MAP3K11: variants seen among roughly 807,000 people sequenced by gnomAD.
MAP3K11 encodes mitogen-activated protein kinase kinase kinase 11, also known as SH3 domain-containing proline-rich kinase.
MAP3K11 carries 46 observed loss-of-function variants against 84.9 expected under a neutral mutation model. The ratio of observed to expected loss-of-function variants is 0.54; its 90% CI spans 0.43 to 0.69. The LOEUF (loss-of-function observed/expected upper bound fraction) is 0.69. MAP3K11 is among the 30% of genes least tolerant of loss of function. The probability of loss-of-function intolerance (pLI) is 0.00; values close to 1 mark genes in which losing one functional copy is unlikely to be tolerated. For missense variants in MAP3K11, 1,053 were observed against 1,198.3 expected (o/e 0.88, Z 1.79); for synonymous variants, 527 against 514.7 (o/e 1.02, Z -0.32).
intron 8 of MAP3K11, chr11:65,605,541 C>A (rs377509272): frequency 2.1e-6 from 1 of 477,996 alleles, no homozygotes; most frequent in Admixed American, 4.3e-5. Flanking sequence ...CTCTGGGCCC[C>A]GAGCCGAGGC....
Position 65,607,646 on chromosome 11 carries a change from C to T in MAP3K11, c.1240G>A (p.Glu414Lys). Residue 414 changes from glutamate to lysine, a missense_variant, in exon 4 of 10, where the codon GAA becomes AAA. Glu to Lys is a moderately conservative substitution (Grantham distance 56). This residue lies in a region of MAP3K11 where 310 missense variants were observed against 464.5 expected (regional missense o/e 0.67). Transcript: ENST00000309100. ...QGLFDELRAK[E>K]KELLSREEEL... is the part of the protein sequence containing the mutation. ...GGTCCCTTGATTCCTCGCACCTTTTCCTTGGCTCGCAGCTCGTCGAAGAGA... is the reference window on the plus strand; with the variant it reads ...GGTCCCTTGATTCCTCGCACCTTTTTCTTGGCTCGCAGCTCGTCGAAGAGA... The T allele has an allele frequency of 1.2e-6, 2 of 1,606,158 alleles. No individual in the cohort carries two copies. Among genetic ancestry groups the T allele is most frequent in the Non-Finnish European group, 8.5e-7 (1 of 1,174,578 alleles).
At chr11:65,602,384 G>C (rs572875290) in intron 8 of MAP3K11, among the ~76,000 whole-genome samples, 3 of 152,110 alleles carry the variant, frequency 2.0e-5, no homozygotes, top group Admixed American at 6.6e-5. Context: ...GGTGGTTCAC[G>C]CTTGTAATCC....
Position 65,598,270 on chromosome 11 carries a change from CG to C in MAP3K11, c.*20del. ...GACTCCTCCTAAGGCAGCTGGAGCT[CG>C]GGGGAGTGGCCTGGCCCACTCAAGG... is the stretch of plus-strand genomic sequence containing the variant. On this transcript the variant is annotated 3_prime_UTR_variant, in exon 10 of 10. Transcript: ENST00000309100. 7.0e-7 allele frequency: 1 copy of C among 1,429,612 alleles called. No individual in the cohort carries two copies. The highest frequency in any genetic ancestry group is 9.2e-7 in the Non-Finnish European group (1 of 1,089,466). 88.6% of individuals were successfully genotyped at this position (1,429,612 alleles called of 1,614,324 possible).
intron 5 of MAP3K11, 48 bp from the exon 6 acceptor site, chr11:65,606,852 G>A (rs1026481691): frequency 7.7e-7 from 1 of 1,291,124 alleles, no homozygotes; most frequent in East Asian, 2.5e-5. Flanking sequence ...TGATGAAGTA[G>A]AGCCAGGACC....
chr11:65,607,136 A>G, intron 5 of MAP3K11, 134 bp downstream of exon 5: 1 of 1,213,284 alleles, frequency 8.2e-7, no homozygotes. Context: ...TCCTGGCTCC[A>G]CCCCTCCCAG....
In MAP3K11 at chr11:65,608,415, ATGT is replaced by A. The variant is rs1262151682; in HGVS notation, c.770_772del (p.Asp257_Met258delinsVal). ...GGTGATCTTCAGGGTCTTGTGCTCC[ATGT>A]CGTCACTCTCAATGGGCTGCAGCAG... On this transcript the variant is annotated inframe_deletion, in exon 2 of 10. Coordinates refer to ENST00000309100, the MANE Select transcript of MAP3K11 (RefSeq NM_002419.4). 1.2e-5 allele frequency: 19 copies of A among 1,614,164 alleles called. No individual in the cohort carries two copies. The highest frequency in any genetic ancestry group is 1.5e-5 in the Non-Finnish European group (18 of 1,180,026).
Position 65,613,125 on chromosome 11 carries a change from G to GC in MAP3K11, c.631_632insG (p.Pro211ArgfsTer31). On this transcript the variant is annotated frameshift_variant, in exon 1 of 10. Transcript: ENST00000309100. LOFTEE classifies it high-confidence loss of function. ...AGCCCAGTTGACCAGCACATGGGGA[G>GC]GCACGCGCCGCCCGGCCAGAGCTCG... 1 of 1,588,186 alleles carries GC rather than the reference G, an allele frequency of 6.3e-7. No individual in the cohort carries two copies. The highest frequency in any genetic ancestry group is 8.6e-7 in the Non-Finnish European group (1 of 1,166,804).
In MAP3K11 at chr11:65,598,528, G is replaced by A. The variant is rs2135361325; in HGVS notation, c.2307C>T (p.Pro769=). 6.2e-7 allele frequency: 1 copy of A among 1,612,982 alleles called. No homozygotes were observed. The highest frequency in any genetic ancestry group is 1.1e-5 in the South Asian group (1 of 90,984). Reference sequence around the variant, plus strand: ...GATCAATGCGGCTGCGAAGGGGCGAGGGCCGAGGTCGGCTGATGAGGCCCA... The same window carrying A: ...GATCAATGCGGCTGCGAAGGGGCGAAGGCCGAGGTCGGCTGATGAGGCCCA... ...PPLGLISRPR[P]SPLRSRIDPW... The change falls in exon 10 of 10, where the codon CCC becomes CCT. Residue 769 remains proline, a synonymous_variant. Coordinates refer to ENST00000309100, the MANE Select transcript of MAP3K11 (RefSeq NM_002419.4).
Position 65,613,840 on chromosome 11 carries a change from T to A in MAP3K11, c.-84A>T, listed in dbSNP as rs1012361262. 7.0e-5 allele frequency: 99 copies of A among 1,412,842 alleles called. No individual in the cohort carries two copies. Among genetic ancestry groups the A allele is most frequent in the Non-Finnish European group, 8.8e-5 (95 of 1,076,482 alleles). 87.5% of individuals were successfully genotyped at this position (1,412,842 alleles called of 1,614,324 possible). A position where few individuals can be genotyped will look rare whatever the true frequency, so the allele number is the denominator to read the frequency against. On this transcript the variant is annotated 5_prime_UTR_variant, in exon 1 of 10. Transcript: ENST00000309100. ...CCCCCGCTGGCTGCCAAGGCCCTAG[T>A]CCCGGAACCTGGGCATCCGGGCCCT...
At chr11:65,606,967 GA>G (rs1249173268) in intron 5 of MAP3K11, 163 bp from the exon 6 acceptor site, 1 of 587,468 alleles carries the variant, frequency 1.7e-6, no homozygotes. Flanking sequence ...CCTGGGTCTG[GA>G]TAAGGAAAGC....
At position 65,613,160 on chromosome 11, in the gene MAP3K11, C is replaced by T. The variant is rs1351627084; in HGVS notation, c.597G>A (p.Gly199=). The T allele has an allele frequency of 3.8e-6, 6 of 1,591,550 alleles. No homozygotes were observed. Among genetic ancestry groups the T allele is most frequent in the Admixed American group, 1.7e-5 (1 of 58,302 alleles). ...GCCCGGCCAGAGCTCGGCTGAGGGG[C>T]CCACCGGCTGCATACTCCATCACCA... ...LCLVMEYAAG[G]PLSRALAGRR... The change falls in exon 1 of 10, where the codon GGG becomes GGA. Residue 199 remains glycine, a synonymous_variant. Transcript: ENST00000309100.
At position 65,614,142 on chromosome 11, in the gene MAP3K11, A is replaced by AG. The variant is rs1369319399; in HGVS notation, c.-387dup. 1 of 200,306 alleles carries AG rather than the reference A, an allele frequency of 5.0e-6. No homozygotes were observed. The highest frequency in any genetic ancestry group is 5.4e-5 in the Admixed American group (1 of 18,392). The allele number at this position is 200,306 out of a possible 1,614,324, so 12.4% of individuals were successfully genotyped here. ...CAACTCCGGTTGGGTCTTTTTGCGC[A>AG]GGGGGTGGAGGGAGCGTCCGCAGTT... On this transcript the variant is annotated 5_prime_UTR_variant, in exon 1 of 10. Transcript: ENST00000309100.
rs867584581 is a variant in MAP3K11, at chr11:65,598,275, G to A, written c.*16C>T. 8 of 1,439,124 alleles carry A rather than the reference G, an allele frequency of 5.6e-6. No homozygotes were observed. The highest frequency in any genetic ancestry group is 2.6e-5 in the East Asian group (1 of 39,064). 89.1% of individuals were successfully genotyped at this position (1,439,124 alleles called of 1,614,324 possible). On this transcript the variant is annotated 3_prime_UTR_variant, in exon 10 of 10. Coordinates refer to ENST00000309100, the MANE Select transcript of MAP3K11 (RefSeq NM_002419.4). The stretch of plus-strand genomic sequence containing the variant: ...CTCCTAAGGCAGCTGGAGCTCGGGG[G>A]AGTGGCCTGGCCCACTCAAGGCCCC...
Position 65,598,331 on chromosome 11 carries a change from A to G in MAP3K11, c.2504T>C (p.Met835Thr), listed in dbSNP as rs1854407147. The change falls in exon 10 of 10, where the codon ATG (methionine) becomes ACG (threonine). Residue 835 changes from methionine (M) to threonine (T), a missense_variant. Physicochemically the swap from Met to Thr is moderately conservative, Grantham distance 81 (BLOSUM62 -1). Transcript: ENST00000309100. ...CGGCACCCACGGGGCCTGGGCACCC[A>G]TGTCTTTGGTCTGTGCCCTGCAGTC... ...PQDCRAQTKD[M>T]GAQAPWVPEA... 3.4e-6 allele frequency: 5 copies of G among 1,489,206 alleles called. No individual in the cohort carries two copies. In the African/African-American group the frequency reaches 4.2e-5, roughly 13 times the overall value. 92.2% of individuals were successfully genotyped at this position (1,489,206 alleles called of 1,614,324 possible). A position where few individuals can be genotyped will look rare whatever the true frequency, so the allele number is the denominator to read the frequency against.
chr11:65,607,372 G>A lies in MAP3K11; in HGVS notation c.1387C>T (p.Gln463Ter). Residue 463 changes from glutamine to a stop codon, truncating the protein, a stop_gained, in exon 5 of 10, where the codon CAG becomes TAG. Transcript: ENST00000309100. LOFTEE classifies it high-confidence loss of function. ...FERELTLLLQQVDRERPHVRR... is the reference protein window; with the variant it reads ...FERELTLLLQ ...ACGTGCGGTCGCTCGCGGTCCACCTGCTGCAGCAGCAGCGTCAGCTCGCGC... is the reference window on the plus strand; with the variant it reads ...ACGTGCGGTCGCTCGCGGTCCACCTACTGCAGCAGCAGCGTCAGCTCGCGC... 1 of 1,498,534 alleles carries A rather than the reference G, an allele frequency of 6.7e-7. No homozygotes were observed. Among genetic ancestry groups the A allele is most frequent in the Non-Finnish European group, 8.8e-7 (1 of 1,131,482 alleles). 92.8% of individuals were successfully genotyped at this position (1,498,534 alleles called of 1,614,324 possible).
rs1447857589 is a variant in MAP3K11 at position 65,613,717 on chromosome 11, C to T, written c.40G>A (p.Gly14Arg). The part of the protein sequence containing the change: ...LKSLFLKSPL[G>R]SWNGSGSGGG... ...CCGCTGCCACTGCCATTCCATGACC[C>T]TAGAGGGCTCTTGAGGAAGAGGCTC... is the stretch of plus-strand genomic sequence containing the variant. Residue 14 changes from glycine to arginine, a missense_variant, in exon 1 of 10, where the codon GGG becomes AGG. Transcript: ENST00000309100. The T allele has an allele frequency of 1.3e-6, 2 of 1,595,614 alleles. No individual in the cohort carries two copies. The highest frequency in any genetic ancestry group is 2.7e-5 in the African/African-American group (2 of 74,584).
chr11:65,613,450 C>T lies in MAP3K11; in HGVS notation c.307G>A (p.Gly103Ser), dbSNP rs1343563904. ...GIFPSNYVSRGGGPPPCEVAS... is the reference protein window; with the variant it reads ...GIFPSNYVSRSGGPPPCEVAS... ...ACCTCGCAGGGGGGCGGGCCGCCAC[C>T]CCGAGACACATAGTTGGACGGGAAG... The change falls in exon 1 of 10, where the codon GGT becomes AGT. Residue 103 changes from glycine to serine, a missense_variant. Transcript: ENST00000309100. The T allele has an allele frequency of 6.2e-7, 1 of 1,612,198 alleles. No homozygotes were observed. The highest frequency in any genetic ancestry group is 1.3e-5 in the African/African-American group (1 of 74,922).
rs1274694611 is a variant in MAP3K11 at position 65,605,964 on chromosome 11, C to T, written c.1721G>A (p.Gly574Glu). The change falls in exon 7 of 10, where the codon GGG (glycine) becomes GAG (glutamate). Residue 574 changes from glycine (G) to glutamate (E), a missense_variant. Around this residue, in one of 3 missense-constraint regions of MAP3K11, gnomAD observed 583 missense variants for 566.6 expected, o/e 1.03. Coordinates refer to ENST00000309100, the MANE Select transcript of MAP3K11 (RefSeq NM_002419.4). ...TACTCACCTCCCATTCTGGGCTTCC[C>T]CAGGCTTGGGGGAACTGGGACCCCA... is the stretch of plus-strand genomic sequence containing the variant. ...WAWGPSSPKP[G>E]EAQNGRRRSR... 1 of 1,602,918 alleles carries T rather than the reference C, an allele frequency of 6.2e-7. No homozygotes were observed. The highest frequency in any genetic ancestry group is 1.3e-5 in the African/African-American group (1 of 74,164).
At chr11:65,608,547 T>C in intron 1 of MAP3K11, 99 bp from the exon 2 acceptor site, 2 of 1,077,930 alleles carry the variant, frequency 1.9e-6, no homozygotes, top group Non-Finnish European at 2.8e-6. Context: ...CCTGGCTGGG[T>C]CCTGGGGGCA....
Sources: allele counts gnomAD v4.1 joint callset (sites outside exome capture counted in the v4.1 genomes callset), GRCh38; gene constraint gnomAD v4.1.1; regional missense constraint gnomAD v4.1.1; transcripts MANE v1.5; gene names NCBI Gene and HGNC (gene_info 2026-07-23, HGNC 2026-07-21).